MACROD2: variants seen among roughly 807,000 people sequenced by gnomAD.
MACROD2 encodes the protein mono-ADP ribosylhydrolase 2.
MACROD2 carries 36 observed loss-of-function variants against 70.4 expected under a neutral mutation model. That is an observed-to-expected ratio of 0.51 (90% CI 0.39 to 0.68). The LOEUF (loss-of-function observed/expected upper bound fraction) is 0.68. Ranked by LOEUF, MACROD2 falls within the 30% of genes least tolerant of loss-of-function variation. MACROD2 has a pLI of 0.00. For synonymous variants in MACROD2, 172 were observed against 178.8 expected (o/e 0.96, Z 0.30); for missense variants, 496 against 538.4 (o/e 0.92, Z 0.78).
intron 5 of MACROD2, among the ~76,000 whole-genome samples, chr20:15,014,846 A>G (rs1284725245): frequency 2.0e-5 from 3 of 152,134 alleles, no homozygotes; most frequent in African/African-American, 7.2e-5. Context: ...AAATTCATAT[A>G]TTTTATAAAA....
rs568464881 is a variant in MACROD2, at chr20:14,616,951, A to G, written c.302-67892A>G. On this transcript the variant is annotated intron_variant, in intron 4 of 17. Transcript: ENST00000684519. ...GATTCTAAAACCTTGGGAGAAAGTA[A>G]TTGAAGTATAGACACTTGAGAGTCT... Among the ~76,000 whole-genome samples the G allele has an allele frequency of 4.6e-5, 7 of 152,264 alleles. No individual in the cohort carries two copies. The South Asian group carries it at 1.4e-3, about 32-fold the overall frequency.
At chr20:15,502,403 A>G (rs1392198352) in intron 8 of MACROD2, among the ~76,000 whole-genome samples, 2 of 152,186 alleles carry the variant, frequency 1.3e-5, no homozygotes, top group Non-Finnish European at 2.9e-5. Context: ...ATGGCAGGAG[A>G]CAAGTTTGGA....
intron 5 of MACROD2, among the ~76,000 whole-genome samples, chr20:14,964,663 A>C (rs2122776814): frequency 6.6e-6 from 1 of 152,330 alleles, no homozygotes; most frequent in South Asian, 2.1e-4. Context: ...TTTGTTATAA[A>C]ATTAATAGTA....
chr20:15,451,477 T>C (rs1450278734), intron 7 of MACROD2, among the ~76,000 whole-genome samples: 1 of 117,666 alleles, frequency 8.5e-6, no homozygotes, highest in South Asian at 3.0e-4. Context: ...ATCTTTGAAA[T>C]ACACTCGAGA....
Position 14,326,109 on chromosome 20 carries a change from G to C in MACROD2, c.272-167370G>C. 1 of 1,613,856 alleles carries C rather than the reference G, an allele frequency of 6.2e-7. No homozygotes were observed. The highest frequency in any genetic ancestry group is 8.5e-7 in the Non-Finnish European group (1 of 1,179,848). On this transcript the variant is annotated intron_variant, in intron 3 of 17. Transcript: ENST00000684519. The surrounding 1 kb of genome is among the most constrained non-coding windows in gnomAD (Gnocchi z 5.5). ...AGGGTGAATCAGGCTCCAGGGCTGT[G>C]ACCAAGTACTCACTGCGTTCCCCTG...
intron 5 of MACROD2, among the ~76,000 whole-genome samples, chr20:15,188,511 T>G (rs1206587304): frequency 2.6e-5 from 4 of 152,200 alleles, no homozygotes; most frequent in Non-Finnish European, 5.9e-5. Flanking sequence ...GCCAGACTAT[T>G]TAGTGGATTC....
Position 14,470,748 on chromosome 20 carries a change from G to A in MACROD2, c.272-22731G>A, listed in dbSNP as rs1432392631. Among the ~76,000 whole-genome samples, 10 of 152,108 alleles carry A rather than the reference G, an allele frequency of 6.6e-5. No homozygotes were observed. In the East Asian group the frequency reaches 9.7e-4, roughly 15 times the overall value. On this transcript the variant is annotated intron_variant, in intron 3 of 17. Transcript: ENST00000684519. ...TGATGGGAAAACTGCCTACTCAAGCGTCAGTAATGGTGGACGCCCCTTCCC... is the reference window on the plus strand; with the variant it reads ...TGATGGGAAAACTGCCTACTCAAGCATCAGTAATGGTGGACGCCCCTTCCC...
intron 5 of MACROD2, among the ~76,000 whole-genome samples, chr20:14,851,567 A>G (rs375597646): frequency 4.6e-5 from 7 of 152,316 alleles, no homozygotes; most frequent in African/African-American, 1.2e-4. Context: ...AGAGTTTCAC[A>G]TGTGAAACAC....
chr20:15,668,284 C>G (rs1430871864), intron 8 of MACROD2, among the ~76,000 whole-genome samples: 3 of 144,944 alleles, frequency 2.1e-5, no homozygotes, highest in African/African-American at 7.7e-5. Context: ...TAAAAAAATG[C>G]TGGGCACGGT....
rs189863267 is a variant in MACROD2, at chr20:15,794,633, C to A, written c.646-68112C>A. On this transcript the variant is annotated intron_variant, in intron 8 of 17. Coordinates refer to ENST00000684519, the MANE Select transcript of MACROD2 (RefSeq NM_001351661.2). ...TTCCTCTGTGCATGCTCTTGTCTTCCCATCCCCACAACTCCAGGGGTTTGA... is the reference window on the plus strand; with the variant it reads ...TTCCTCTGTGCATGCTCTTGTCTTCACATCCCCACAACTCCAGGGGTTTGA... 1.4e-3 allele frequency among the ~76,000 whole-genome samples: 213 copies of A among 152,224 alleles called. 1 individual carries two copies. The highest frequency in any genetic ancestry group is 4.6e-3 in the African/African-American group (193 of 41,526).
chr20:14,008,761 A>G (rs185238844), intron 2 of MACROD2, among the ~76,000 whole-genome samples: 177 of 152,312 alleles, frequency 1.2e-3, no homozygotes, highest in African/African-American at 4.2e-3. Context: ...GGACTGGTAC[A>G]AGAACAGACA....
At chr20:15,230,519 A>G (rs2145983046) in intron 6 of MACROD2, among the ~76,000 whole-genome samples, 1 of 152,298 alleles carries the variant, frequency 6.6e-6, no homozygotes, top group South Asian at 2.1e-4. Context: ...CTAGTGTCAG[A>G]CATGATTTAT....
At chr20:15,986,004 C>A (rs2066477154) in intron 13 of MACROD2, 1 of 152,054 alleles carries the variant, frequency 6.6e-6, no homozygotes, top group African/African-American at 2.4e-5. Context: ...CAGAGTGAAA[C>A]AGAACAGGGC....
rs1159310087 is a variant in MACROD2, at chr20:14,768,107, A to G, written c.418+83148A>G. On this transcript the variant is annotated intron_variant, in intron 5 of 17. Transcript: ENST00000684519. ...ACTGCCGCAATAAACATATGTGTGC[A>G]TGTGTCTTTATAGCAGCATGATTTA... Among the ~76,000 whole-genome samples the G allele has an allele frequency of 2.6e-5, 4 of 152,072 alleles. No individual in the cohort carries two copies. In the East Asian group the frequency reaches 7.7e-4, roughly 29 times the overall value.
In MACROD2 at chr20:14,326,532, C is replaced by T. The variant is rs1407671580; in HGVS notation, c.272-166947C>T. Reference sequence around the variant, plus strand: ...ACATGAGCCCACGCACGTTGACCTTCACAGGTAGTGATTGTAACCAGTCAC... The same window carrying T: ...ACATGAGCCCACGCACGTTGACCTTTACAGGTAGTGATTGTAACCAGTCAC... On this transcript the variant is annotated intron_variant, in intron 3 of 17. Transcript: ENST00000684519. This position sits in a 1 kb window ranked among gnomAD's most constrained non-coding sequence, Gnocchi z 5.5. The T allele has an allele frequency of 6.2e-7, 1 of 1,613,794 alleles. No individual in the cohort carries two copies. Among genetic ancestry groups the T allele is most frequent in the African/African-American group, 1.3e-5 (1 of 74,908 alleles).
intron 5 of MACROD2, among the ~76,000 whole-genome samples, chr20:14,692,983 T>G (rs1431878864): frequency 6.6e-6 from 1 of 152,244 alleles, no homozygotes; most frequent in Non-Finnish European, 1.5e-5. Context: ...TATTACTGGC[T>G]GAGTGTAGAA....
chr20:15,770,665 T>C (rs549530193), intron 8 of MACROD2, among the ~76,000 whole-genome samples: 3 of 152,090 alleles, frequency 2.0e-5, no homozygotes, highest in Non-Finnish European at 4.4e-5. Context: ...TGGCTTACAA[T>C]AAGGTTTTGT....
At chr20:14,582,763 A>T (rs1981119426) in intron 4 of MACROD2, among the ~76,000 whole-genome samples, 1 of 152,088 alleles carries the variant, frequency 6.6e-6, no homozygotes, top group Admixed American at 6.5e-5. Context: ...CAGCATTGAA[A>T]CCAATTGCCA....
chr20:15,674,710 A>G (rs1317771395), intron 8 of MACROD2, among the ~76,000 whole-genome samples: 2 of 151,304 alleles, frequency 1.3e-5, no homozygotes, highest in Admixed American at 1.3e-4. Context: ...GTCAAACTGT[A>G]GCCAAAAAGT....
Sources: gnomAD v4.1 joint callset for allele counts (sites outside exome capture counted in the v4.1 genomes callset) on GRCh38, gnomAD v4.1.1 for gene constraint, Gnocchi (gnomAD v3.1) non-coding constraint, MANE v1.5 for transcripts, NCBI Gene and HGNC (gene_info 2026-07-23, HGNC 2026-07-21) for gene names.